LDB2: variants seen among roughly 807,000 people sequenced by gnomAD.
LDB2 encodes LIM domain-binding protein 2.
LDB2 carries 12 observed loss-of-function variants against 44.3 expected under a neutral mutation model. That is an observed-to-expected ratio of 0.27 (90% CI 0.17 to 0.44). LDB2 has a LOEUF of 0.44. Among genes scored for constraint, LDB2 ranks in the 20% least tolerant of loss-of-function variants. The pLI is 1.00. For synonymous variants in LDB2, 164 were observed against 174.8 expected (o/e 0.94, Z 0.49); for missense variants, 344 against 473.5 (o/e 0.73, Z 2.54).
intron 5 of LDB2, among the ~76,000 whole-genome samples, chr4:16,540,934 C>A (rs1211355562): frequency 6.6e-6 from 1 of 152,092 alleles, no homozygotes; most frequent in African/African-American, 2.4e-5. Context: ...TCTTCACTTT[C>A]TGTGAAATGC....
chr4:16,758,752 A>G (rs75935214), intron 2 of LDB2, among the ~76,000 whole-genome samples: 25 of 152,226 alleles, frequency 1.6e-4, no homozygotes, highest in African/African-American at 6.0e-4. Flanking sequence ...GGGGATTAGA[A>G]GGATGTGGCT....
intron 1 of LDB2, among the ~76,000 whole-genome samples, chr4:16,870,159 G>A (rs1266171241): frequency 1.3e-5 from 2 of 152,118 alleles, no homozygotes; most frequent in Non-Finnish European, 2.9e-5. Context: ...AAGATGCCGT[G>A]GATTCAGTGT....
At chr4:16,640,135 T>C (rs910754704) in intron 2 of LDB2, among the ~76,000 whole-genome samples, 2 of 152,246 alleles carry the variant, frequency 1.3e-5, no homozygotes, top group African/African-American at 4.8e-5. Flanking sequence ...GTTATGTCAG[T>C]TGGAATGCAT....
chr4:16,606,653 GA>G (rs1724019457), intron 2 of LDB2, among the ~76,000 whole-genome samples: 1 of 152,162 alleles, frequency 6.6e-6, no homozygotes, highest in Admixed American at 6.5e-5. Flanking sequence ...ATTTACATTT[GA>G]CCTTTTCAGA....
chr4:16,648,787 C>G (rs778016995), intron 2 of LDB2, among the ~76,000 whole-genome samples: 5 of 152,058 alleles, frequency 3.3e-5, no homozygotes, highest in Non-Finnish European at 5.9e-5. Flanking sequence ...CCAAGTCACT[C>G]TAGTTTTTTG....
At chr4:16,570,505 G>A (rs1191346454) in intron 5 of LDB2, among the ~76,000 whole-genome samples, 172 of 36,388 alleles carry the variant, frequency 4.7e-3, no homozygotes, top group Non-Finnish European at 0.011. Context: ...AAAAAAAAAA[G>A]TTTACATCTC....
intron 1 of LDB2, among the ~76,000 whole-genome samples, chr4:16,766,297 T>G (rs1286388806): frequency 1.3e-5 from 2 of 151,972 alleles, no homozygotes; most frequent in African/African-American, 4.8e-5. Flanking sequence ...ATTTACATGA[T>G]AGGATACATT....
intron 1 of LDB2, among the ~76,000 whole-genome samples, chr4:16,800,022 G>A (rs1777476301): frequency 1.3e-5 from 2 of 152,078 alleles, no homozygotes; most frequent in African/African-American, 4.8e-5. Context: ...CCGAGGCCCA[G>A]TATATGAGTA....
intron 2 of LDB2, chr4:16,726,647 C>G (rs533428095): frequency 6.6e-6 from 1 of 152,060 alleles, no homozygotes; most frequent in Non-Finnish European, 1.5e-5. Flanking sequence ...CCACCTTAGC[C>G]GAATCACAAT....
At chr4:16,884,162 C>G (rs1456621630) in intron 1 of LDB2, among the ~76,000 whole-genome samples, 1 of 152,194 alleles carries the variant, frequency 6.6e-6, no homozygotes, top group Non-Finnish European at 1.5e-5. Context: ...AAACAAAACA[C>G]TTTATTAGCT....
chr4:16,697,868 A>G (rs1752548848), intron 2 of LDB2, among the ~76,000 whole-genome samples: 1 of 152,216 alleles, frequency 6.6e-6, no homozygotes, highest in Non-Finnish European at 1.5e-5. Flanking sequence ...ACGTAGTAGT[A>G]AGTTAAAGCA....
intron 2 of LDB2, among the ~76,000 whole-genome samples, chr4:16,716,607 T>C (rs1282704483): frequency 6.6e-6 from 1 of 152,126 alleles, no homozygotes; most frequent in Non-Finnish European, 1.5e-5. Flanking sequence ...TGAACTCTTT[T>C]CCTCAAATGA....
At chr4:16,896,938 C>T (rs943653712) in intron 1 of LDB2, among the ~76,000 whole-genome samples, 2 of 152,208 alleles carry the variant, frequency 1.3e-5, no homozygotes, top group Non-Finnish European at 2.9e-5. Flanking sequence ...ATAGTTTGCA[C>T]TTCTATAGAA....
intron 2 of LDB2, among the ~76,000 whole-genome samples, chr4:16,727,394 A>G (rs964559034): frequency 1.3e-5 from 2 of 152,234 alleles, no homozygotes; most frequent in Non-Finnish European, 2.9e-5. Context: ...ATGCAGGTCT[A>G]GGTGCACTCT....
intron 1 of LDB2, among the ~76,000 whole-genome samples, chr4:16,844,654 T>A (rs1786596098): frequency 6.6e-6 from 1 of 152,226 alleles, no homozygotes; most frequent in Admixed American, 6.5e-5. Flanking sequence ...ACAATCCCCA[T>A]GTCTTCTCTC....
At chr4:16,771,655 C>T (rs186238038) in intron 1 of LDB2, among the ~76,000 whole-genome samples, 2 of 152,330 alleles carry the variant, frequency 1.3e-5, no homozygotes, top group Admixed American at 1.3e-4. Flanking sequence ...TGATTCCTGT[C>T]TTACCCTAAC....
At chr4:16,583,583 T>A (rs1259196942) in intron 5 of LDB2, among the ~76,000 whole-genome samples, 1 of 152,214 alleles carries the variant, frequency 6.6e-6, no homozygotes, top group East Asian at 1.9e-4. Context: ...ATGATAAGGC[T>A]ACTAGAAGAA....
chr4:16,884,558 T>C (rs1721091706), intron 1 of LDB2, among the ~76,000 whole-genome samples: 1 of 152,172 alleles, frequency 6.6e-6, no homozygotes. Flanking sequence ...ATTTGCGTTC[T>C]TGCTACCTTA....
In LDB2 at chr4:16,640,975, C is replaced by G. The variant is rs142268194; in HGVS notation, c.236-45100G>C. 1.4e-3 allele frequency among the ~76,000 whole-genome samples: 208 copies of G among 152,192 alleles called. 1 individual carries two copies. The highest frequency in any genetic ancestry group is 4.8e-3 in the African/African-American group (199 of 41,526). On this transcript the variant is annotated intron_variant, in intron 2 of 7. Coordinates refer to ENST00000304523, the MANE Select transcript of LDB2 (RefSeq NM_001290.5). ...CACTCTAGGCTTGGAGTCCTTGTCC[C>G]CATGATGATTACCCATTTAAGACAA... is the stretch of plus-strand genomic sequence containing the variant.
Sources: gnomAD v4.1 joint callset for allele counts (sites outside exome capture counted in the v4.1 genomes callset) on GRCh38, gnomAD v4.1.1 for gene constraint, MANE v1.5 for transcripts, NCBI Gene and HGNC (gene_info 2026-07-23, HGNC 2026-07-21) for gene names.